RABGAP1L: variants seen among roughly 807,000 people sequenced by gnomAD.
RABGAP1L encodes the protein RAB GTPase activating protein 1 like.
In RABGAP1L, 63 loss-of-function variants were observed where a neutral mutation model predicts 137.7. The ratio of observed to expected loss-of-function variants is 0.46; its 90% CI spans 0.37 to 0.56. The LOEUF (loss-of-function observed/expected upper bound fraction) is 0.56. Among genes scored for constraint, RABGAP1L ranks in the 20% least tolerant of loss-of-function variants. The pLI is 0.00. For synonymous variants in RABGAP1L, 431 were observed against 433.7 expected (o/e 0.99, Z 0.08); for missense variants, 1,095 against 1,244.0 (o/e 0.88, Z 1.80).
intron 13 of RABGAP1L, among the ~76,000 whole-genome samples, chr1:174,513,923 A>G (rs372075290): frequency 6.6e-6 from 1 of 152,278 alleles, no homozygotes; most frequent in South Asian, 2.1e-4. Context: ...TTGTAAAGCC[A>G]AACTAACAAA....
intron 13 of RABGAP1L, among the ~76,000 whole-genome samples, chr1:174,550,999 C>CATATATATATATATATATATATAT (rs549477266): frequency 8.1e-5 from 7 of 86,346 alleles, no homozygotes; most frequent in African/African-American, 5.0e-4. Flanking sequence ...TATATATACA[C>CATATATATATATATATATATATAT]ATATATATAT....
intron 4 of RABGAP1L, among the ~76,000 whole-genome samples, chr1:174,240,225 G>C (rs1056010973): frequency 6.9e-6 from 1 of 144,022 alleles, no homozygotes; most frequent in Non-Finnish European, 1.5e-5. Flanking sequence ...GATTTGTTTT[G>C]TTTTGTTTTG....
intron 13 of RABGAP1L, among the ~76,000 whole-genome samples, chr1:174,543,808 A>C (rs1665722564): frequency 1.3e-5 from 2 of 152,156 alleles, no homozygotes; most frequent in Non-Finnish European, 2.9e-5. Flanking sequence ...AAAATCTCTC[A>C]GCATTTGCTT....
intron 18 of RABGAP1L, among the ~76,000 whole-genome samples, chr1:174,763,323 C>T (rs1348943532): frequency 6.6e-6 from 1 of 151,070 alleles, no homozygotes; most frequent in Non-Finnish European, 1.5e-5. Context: ...CGAGACCATC[C>T]TGGCTAACAC....
intron 13 of RABGAP1L, among the ~76,000 whole-genome samples, chr1:174,476,382 A>G (rs1334249096): frequency 2.0e-5 from 3 of 152,230 alleles, no homozygotes; most frequent in Non-Finnish European, 4.4e-5. Flanking sequence ...CAAAAATATA[A>G]GTAAAGCAAT....
intron 18 of RABGAP1L, among the ~76,000 whole-genome samples, chr1:174,757,884 G>A (rs965035454): frequency 2.6e-5 from 4 of 152,036 alleles, no homozygotes; most frequent in Non-Finnish European, 4.4e-5. Flanking sequence ...AACGCCAGGC[G>A]TGGTGGTGGG....
chr1:174,829,964 C>T (rs1691934879), intron 19 of RABGAP1L, among the ~76,000 whole-genome samples: 1 of 148,038 alleles, frequency 6.8e-6, no homozygotes, highest in African/African-American at 2.5e-5. Flanking sequence ...AGGTTTAAAA[C>T]AACAATATTT....
At chr1:174,921,318 T>G (rs1661760192) in intron 19 of RABGAP1L, among the ~76,000 whole-genome samples, 1 of 152,236 alleles carries the variant, frequency 6.6e-6, no homozygotes, top group Admixed American at 6.5e-5. Context: ...TTTTGTTTTT[T>G]TAAACCTGTT....
chr1:174,838,917 CAAAAAAAAAAAAAAAAA>C (rs58265128), intron 19 of RABGAP1L, among the ~76,000 whole-genome samples: 61 of 22,452 alleles, frequency 2.7e-3, no homozygotes, highest in South Asian at 0.017. Flanking sequence ...GACTCCGTCT[CAAAAAAAAAAAAAAAAA>C]AAAAAAAAAA....
intron 4 of RABGAP1L, chr1:174,238,753 C>T (rs1256106148): frequency 6.6e-6 from 1 of 150,864 alleles, no homozygotes. Flanking sequence ...GAGGTGGAGC[C>T]TACAGAGGCA....
At chr1:174,361,754 T>C (rs1684162612) in intron 11 of RABGAP1L, among the ~76,000 whole-genome samples, 1 of 152,202 alleles carries the variant, frequency 6.6e-6, no homozygotes, top group Non-Finnish European at 1.5e-5. Flanking sequence ...TCCTTTTCAG[T>C]ATGAATGCCC....
intron 12 of RABGAP1L, among the ~76,000 whole-genome samples, chr1:174,378,128 C>A (rs561933775): frequency 1.4e-5 from 2 of 144,144 alleles, no homozygotes; most frequent in African/African-American, 2.7e-5. Context: ...TCATTTTTTA[C>A]GGCTGCATAG....
intron 19 of RABGAP1L, among the ~76,000 whole-genome samples, chr1:174,903,082 G>A (rs55741955): frequency 0.59 from 89,858 of 152,056 alleles, 29,452 homozygotes; most frequent in African/African-American, 0.89. Context: ...TTTCCATTGT[G>A]TGCATCTTCT....
intron 14 of RABGAP1L, among the ~76,000 whole-genome samples, chr1:174,642,159 C>G (rs1191682415): frequency 6.6e-6 from 1 of 152,000 alleles, no homozygotes; most frequent in Non-Finnish European, 1.5e-5. Context: ...GGTGTAAATG[C>G]TCTCTGAAAA....
chr1:174,513,776 A>G (rs1050376367), intron 13 of RABGAP1L, among the ~76,000 whole-genome samples: 1 of 143,418 alleles, frequency 7.0e-6, no homozygotes, highest in Non-Finnish European at 1.5e-5. Flanking sequence ...TTGATATGGA[A>G]TTTCTCTTAA....
intron 13 of RABGAP1L, among the ~76,000 whole-genome samples, chr1:174,635,510 T>C (rs530968514): frequency 1.3e-5 from 2 of 152,340 alleles, no homozygotes; most frequent in East Asian, 3.9e-4. Flanking sequence ...CTTTATATAA[T>C]ACCTTTATAC....
At chr1:174,412,195 T>C (rs1358952666) in intron 13 of RABGAP1L, among the ~76,000 whole-genome samples, 1 of 152,174 alleles carries the variant, frequency 6.6e-6, no homozygotes, top group African/African-American at 2.4e-5. Flanking sequence ...TCTTGTTGAA[T>C]TGAACTCTTT....
At chr1:174,875,723 G>A in intron 19 of RABGAP1L, 2 of 980,662 alleles carry the variant, frequency 2.0e-6, no homozygotes, top group African/African-American at 1.7e-5. Flanking sequence ...GGTATGAACT[G>A]CCTGGACACC....
At chr1:174,582,756 T>C (rs1668839011) in intron 13 of RABGAP1L, among the ~76,000 whole-genome samples, 1 of 152,178 alleles carries the variant, frequency 6.6e-6, no homozygotes, top group Non-Finnish European at 1.5e-5. Flanking sequence ...TCTTTAAAGA[T>C]AGGATATTGT....
Sources: allele counts gnomAD v4.1 joint callset (sites outside exome capture counted in the v4.1 genomes callset), GRCh38; gene constraint gnomAD v4.1.1; transcripts MANE v1.5; gene names NCBI Gene and HGNC (gene_info 2026-07-23, HGNC 2026-07-21).